ZNG1B: variants seen among roughly 807,000 people sequenced by gnomAD.
The protein encoded by ZNG1B is zinc-regulated GTPase metalloprotein activator 1B.
At chr2:113,438,877 T>G in the ZNG1B span, 28 of 859,306 alleles carry the variant, frequency 3.3e-5, no homozygotes, top group African/African-American at 4.2e-4. Context: ...AGGTACAGAC[T>G]TGGGCCACTT....
At chr2:113,457,848 C>T in the ZNG1B span, among the ~76,000 whole-genome samples, 1 of 142,744 alleles carries the variant, frequency 7.0e-6, no homozygotes, top group Middle Eastern at 3.2e-3. Flanking sequence ...GTAATTAGCT[C>T]TCCATGACTT....
chr2:113,488,955 T>C, the ZNG1B span, among the ~76,000 whole-genome samples: 3 of 146,002 alleles, frequency 2.1e-5, no homozygotes, highest in African/African-American at 5.2e-5. Context: ...GGGGGAATAA[T>C]TGAGGAAAAC....
At chr2:113,460,578 G>C in the ZNG1B span, 26 of 1,409,856 alleles carry the variant, frequency 1.8e-5, no homozygotes, top group East Asian at 2.3e-5. Flanking sequence ...GTTTTTATTA[G>C]ATGCAAGAAA....
At chr2:113,454,737 G>A in the ZNG1B span, 1 of 1,575,642 alleles carries the variant, frequency 6.3e-7, no homozygotes, top group Non-Finnish European at 8.7e-7. Flanking sequence ...TTTTTCCTTT[G>A]TAGGTATCAT....
the ZNG1B span, among the ~76,000 whole-genome samples, chr2:113,443,576 A>G: frequency 1.5e-5 from 2 of 136,952 alleles, no homozygotes; most frequent in Non-Finnish European, 3.1e-5. Context: ...GGCTTAAGTC[A>G]TCTTAAATAA....
chr2:113,452,076 T>C, the ZNG1B span, among the ~76,000 whole-genome samples: 2 of 152,180 alleles, frequency 1.3e-5, no homozygotes, highest in African/African-American at 4.8e-5. Flanking sequence ...CAGTTCTAAG[T>C]TAAATAATTG....
At chr2:113,462,640 G>C in the ZNG1B span, 2 of 862,876 alleles carry the variant, frequency 2.3e-6, no homozygotes, top group East Asian at 5.2e-5. Context: ...ATTGTTGATG[G>C]CTAATTGTTA....
At chr2:113,487,520 C>T in the ZNG1B span, among the ~76,000 whole-genome samples, 3 of 151,682 alleles carry the variant, frequency 2.0e-5, no homozygotes, top group Non-Finnish European at 4.4e-5. Context: ...ACCCATTGAA[C>T]AGCCCCTCCC....
the ZNG1B span, among the ~76,000 whole-genome samples, chr2:113,467,065 A>G: frequency 1.4e-5 from 2 of 145,380 alleles, no homozygotes; most frequent in African/African-American, 2.5e-5. Context: ...CTCTGTCTCA[A>G]AAAAAAAAAA....
the ZNG1B span, among the ~76,000 whole-genome samples, chr2:113,488,583 T>A: frequency 6.8e-6 from 1 of 146,194 alleles, no homozygotes; most frequent in African/African-American, 2.5e-5. Flanking sequence ...CAGAGAAAGG[T>A]GAAGCCCAAT....
the ZNG1B span, among the ~76,000 whole-genome samples, chr2:113,446,241 G>C: frequency 2.0e-3 from 307 of 151,834 alleles, no homozygotes; most frequent in African/African-American, 7.0e-3. Context: ...ACACGATTCA[G>C]CTTTTCAGAG....
chr2:113,477,810 G>A, the ZNG1B span, among the ~76,000 whole-genome samples: 2 of 152,218 alleles, frequency 1.3e-5, no homozygotes, highest in African/African-American at 4.8e-5. Flanking sequence ...CCCTTGAATA[G>A]CAGCTTCCCA....
At chr2:113,473,303 A>G in the ZNG1B span, among the ~76,000 whole-genome samples, 2 of 147,848 alleles carry the variant, frequency 1.4e-5, no homozygotes, top group Non-Finnish European at 3.0e-5. Flanking sequence ...TTGTTGGTGT[A>G]TAAGAATGCT....
the ZNG1B span, among the ~76,000 whole-genome samples, chr2:113,478,224 G>A: frequency 1.3e-5 from 2 of 152,064 alleles, no homozygotes; most frequent in African/African-American, 4.8e-5. Context: ...GGCATAGTGG[G>A]TGGCTCTACA....
At chr2:113,447,963 C>T in the ZNG1B span, 3 of 389,422 alleles carry the variant, frequency 7.7e-6, no homozygotes, top group Admixed American at 3.2e-5. Flanking sequence ...TTTCAAACTC[C>T]TATTCATGTT....
At chr2:113,476,335 C>G in the ZNG1B span, among the ~76,000 whole-genome samples, 1 of 151,238 alleles carries the variant, frequency 6.6e-6, no homozygotes, top group Non-Finnish European at 1.5e-5. Context: ...TGGTTTTCAG[C>G]TCCATCAGCT....
At chr2:113,485,095 C>A in the ZNG1B span, among the ~76,000 whole-genome samples, 1 of 144,034 alleles carries the variant, frequency 6.9e-6, no homozygotes, top group Non-Finnish European at 1.5e-5. Context: ...CTTTTTGCCC[C>A]TTCCTAGTCA....
At chr2:113,445,372 A>C in the ZNG1B span, 2 of 268,138 alleles carry the variant, frequency 7.5e-6, no homozygotes, top group East Asian at 1.7e-4. Context: ...CTCTAAGTAC[A>C]GTTGTCCCTT....
At chr2:113,442,553 TG>T in the ZNG1B span, among the ~76,000 whole-genome samples, 7 of 152,000 alleles carry the variant, frequency 4.6e-5, no homozygotes, top group Middle Eastern at 3.4e-3. Context: ...AATAACAGAC[TG>T]TTTTTTTATC....
Sources: gnomAD v4.1 joint callset for allele counts (sites outside exome capture counted in the v4.1 genomes callset) on GRCh38, gnomAD v4.1.1 for gene constraint, MANE v1.5 for transcripts, NCBI Gene and HGNC (gene_info 2026-07-23, HGNC 2026-07-21) for gene names.